Variants in MALRD1 observed in about 807,000 individuals in gnomAD.
MALRD1 encodes the protein MAM and LDL receptor class A domain containing 1.
Under a neutral mutation model 242.1 loss-of-function variants are expected in MALRD1, and 247 were observed. The observed-to-expected ratio is 1.02, with a 90% CI of 0.92 to 1.13. The LOEUF (loss-of-function observed/expected upper bound fraction) is 1.13. Among genes scored for constraint, MALRD1 ranks in the 50% most tolerant of loss-of-function variants. MALRD1 has a pLI of 0.00. For missense variants in MALRD1, 2,989 were observed against 2,533.1 expected, an observed-to-expected ratio of 1.18 and a Z score of -3.86; for synonymous variants, 995 against 866.6, an observed-to-expected ratio of 1.15 and a Z score of -2.60.
chr10:19,695,681 G>A (rs547997139), intron 38 of MALRD1, among the ~76,000 whole-genome samples: 6 of 151,904 alleles, frequency 3.9e-5, no homozygotes, highest in East Asian at 3.9e-4. Flanking sequence ...CACCATGCCC[G>A]GCTAATTTTT....
At chr10:19,475,297 C>T (rs1836681316) in intron 29 of MALRD1, among the ~76,000 whole-genome samples, 1 of 152,118 alleles carries the variant, frequency 6.6e-6, no homozygotes, top group African/African-American at 2.4e-5. Flanking sequence ...CGCCTGTAGT[C>T]CCAGCTACTC....
intron 19 of MALRD1, among the ~76,000 whole-genome samples, chr10:19,274,754 A>T (rs192053094): frequency 0.043 from 6,541 of 152,304 alleles, 203 homozygotes; most frequent in Non-Finnish European, 0.065. Context: ...GACTCAACTC[A>T]TATGAATTAT....
At chr10:19,080,642 TA>T (rs1835457857) in intron 2 of MALRD1, among the ~76,000 whole-genome samples, 1 of 151,980 alleles carries the variant, frequency 6.6e-6, no homozygotes, top group Non-Finnish European at 1.5e-5. Flanking sequence ...GACTTACATG[TA>T]AAACCTAAAA....
chr10:19,190,144 G>T (rs901662444), intron 14 of MALRD1, among the ~76,000 whole-genome samples: 47 of 152,004 alleles, frequency 3.1e-4, no homozygotes, highest in African/African-American at 1.1e-3. Context: ...AAAATTGGTT[G>T]CATTTCTTTA....
chr10:19,492,794 C>T (rs1021811958), intron 30 of MALRD1, among the ~76,000 whole-genome samples: 1 of 152,024 alleles, frequency 6.6e-6, no homozygotes, highest in South Asian at 2.1e-4. Flanking sequence ...CTAGACTAGA[C>T]TTTCAATGGG....
At chr10:19,389,711 C>T (rs1436518421) in intron 28 of MALRD1, 102 bp downstream of exon 28, 3 of 1,237,528 alleles carry the variant, frequency 2.4e-6, no homozygotes, top group East Asian at 5.1e-5. Context: ...GCAGTCATGG[C>T]TTACTGCAGC....
intron 33 of MALRD1, among the ~76,000 whole-genome samples, chr10:19,573,175 C>T (rs1836646132): frequency 6.6e-6 from 1 of 152,326 alleles, no homozygotes; most frequent in Middle Eastern, 3.4e-3. Flanking sequence ...GGGCAGATGA[C>T]ATGGACCATG....
chr10:19,101,213 C>T (rs925790870), intron 4 of MALRD1, among the ~76,000 whole-genome samples: 1 of 148,794 alleles, frequency 6.7e-6, no homozygotes, highest in Non-Finnish European at 1.5e-5. Context: ...AAGTGTTATA[C>T]CAAGGAACTG....
chr10:19,364,817 T>G (rs562503124), intron 26 of MALRD1, among the ~76,000 whole-genome samples: 92 of 152,246 alleles, frequency 6.0e-4, no homozygotes, highest in African/African-American at 2.1e-3. Context: ...GATGTGCAGT[T>G]TAAAATAATT....
rs935822489 is a variant in MALRD1, at chr10:19,502,299, C to T, written c.5320+3653C>T. On this transcript the variant is annotated intron_variant, in intron 31 of 39. Transcript: ENST00000454679. Reference sequence around the variant, plus strand: ...AAGCAGAAAAAACTTTTCTAGTAAACTCAGAGTAATGTTAAAGCCATCGAT... The same window carrying T: ...AAGCAGAAAAAACTTTTCTAGTAAATTCAGAGTAATGTTAAAGCCATCGAT... Among the ~76,000 whole-genome samples, 26 of 151,944 alleles carry T rather than the reference C, an allele frequency of 1.7e-4. 1 individual carries two copies. The highest frequency in any genetic ancestry group is 3.4e-3 in the Middle Eastern group (1 of 292).
intron 32 of MALRD1, among the ~76,000 whole-genome samples, chr10:19,549,807 A>C (rs896543338): frequency 6.6e-6 from 1 of 152,210 alleles, no homozygotes; most frequent in African/African-American, 2.4e-5. Flanking sequence ...AAAGACATTA[A>C]GTAACTTGGC....
At chr10:19,520,671 G>A (rs1833837353) in intron 31 of MALRD1, among the ~76,000 whole-genome samples, 1 of 151,794 alleles carries the variant, frequency 6.6e-6, no homozygotes, top group African/African-American at 2.4e-5. Flanking sequence ...AAACCATAGT[G>A]AGTGTTTAGG....
In MALRD1 at chr10:19,088,119, C is replaced by T. The variant is rs1835737833; in HGVS notation, c.531C>T (p.Asn177=). The stretch of plus-strand genomic sequence containing the variant: ...GTCCTATTCAGCATTTATGGCAAAA[C>T]ACAGCTGCACTCCCAAATCAGTGGG... ...CGGPIQHLWQ[N]TAALPNQWER... is the part of the protein sequence containing the mutation. The change falls in exon 4 of 40, where the codon AAC becomes AAT. Residue 177 remains asparagine, a synonymous_variant. Coordinates refer to ENST00000454679, the MANE Select transcript of MALRD1 (RefSeq NM_001142308.3). 1.6e-6 allele frequency: 2 copies of T among 1,233,440 alleles called. No homozygotes were observed. Among genetic ancestry groups the T allele is most frequent in the African/African-American group, 1.6e-5 (1 of 64,452 alleles). The allele number at this position is 1,233,440 out of a possible 1,614,324, so 76.4% of individuals were successfully genotyped here.
chr10:19,632,872 G>T (rs150718939), intron 36 of MALRD1, among the ~76,000 whole-genome samples: 23 of 152,268 alleles, frequency 1.5e-4, no homozygotes, highest in Middle Eastern at 6.8e-3. Flanking sequence ...GATTATGAGT[G>T]TGATTTTTTA....
At chr10:19,407,096 G>A (rs1172689018) in intron 28 of MALRD1, among the ~76,000 whole-genome samples, 1 of 151,994 alleles carries the variant, frequency 6.6e-6, no homozygotes, top group Non-Finnish European at 1.5e-5. Context: ...TCTGGAATCT[G>A]GCTTCTATGA....
intron 36 of MALRD1, among the ~76,000 whole-genome samples, chr10:19,652,789 G>T (rs1267653059): frequency 6.6e-6 from 1 of 152,198 alleles, no homozygotes; most frequent in Non-Finnish European, 1.5e-5. Flanking sequence ...TGAAGAAACT[G>T]AGGTTTACAG....
At chr10:19,145,271 G>A (rs1041852360) in intron 10 of MALRD1, among the ~76,000 whole-genome samples, 2 of 151,976 alleles carry the variant, frequency 1.3e-5, no homozygotes, top group Admixed American at 6.6e-5. Context: ...TCCAAACCCC[G>A]ACTTTCTCTA....
intron 36 of MALRD1, among the ~76,000 whole-genome samples, chr10:19,676,889 T>G (rs867022709): frequency 6.6e-6 from 1 of 152,188 alleles, no homozygotes; most frequent in African/African-American, 2.4e-5. Flanking sequence ...ATTGTTCAGC[T>G]TCCACTTATA....
intron 1 of MALRD1, among the ~76,000 whole-genome samples, 175 bp downstream of exon 1, chr10:19,049,312 T>C (rs964327526): frequency 6.6e-6 from 1 of 152,122 alleles, no homozygotes; most frequent in Non-Finnish European, 1.5e-5. Flanking sequence ...TGAGTCCATA[T>C]AAAAAAATTA....
Sources: allele counts gnomAD v4.1 joint callset (sites outside exome capture counted in the v4.1 genomes callset), GRCh38; gene constraint gnomAD v4.1.1; transcripts MANE v1.5; gene names NCBI Gene and HGNC (gene_info 2026-07-23, HGNC 2026-07-21).